MSRB3: variants seen among roughly 807,000 people sequenced by gnomAD.
MSRB3 encodes methionine-R-sulfoxide reductase B3.
In MSRB3, 13 loss-of-function variants were observed where a neutral mutation model predicts 21.0. The ratio of observed to expected loss-of-function variants is 0.62; its 90% CI spans 0.40 to 0.98. MSRB3 has a LOEUF of 0.98. Among genes scored for constraint, MSRB3 ranks in the 50% least tolerant of loss-of-function variants. MSRB3 has a pLI of 0.00. For missense variants in MSRB3, 199 were observed against 230.3 expected (o/e 0.86, Z 0.88); for synonymous variants, 87 against 88.6 (o/e 0.98, Z 0.10).
chr12:65,396,697 AAAAAAAAAAAGAAAGAAAG>A (rs1480892800), intron 5 of MSRB3, among the ~76,000 whole-genome samples: 5 of 27,648 alleles, frequency 1.8e-4, no homozygotes, highest in Non-Finnish European at 1.7e-4. Flanking sequence ...ATCTCAAAAA[AAAAAAAAAAAGAAAGAAAG>A]AAAGAAAGAA....
intron 5 of MSRB3, among the ~76,000 whole-genome samples, chr12:65,437,063 G>C (rs1045072880): frequency 6.6e-6 from 1 of 151,900 alleles, no homozygotes; most frequent in African/African-American, 2.4e-5. Context: ...AGATGGTCCT[G>C]TGTGTGGCCT....
chr12:65,435,059 T>C, intron 5 of MSRB3, among the ~76,000 whole-genome samples: 1 of 151,874 alleles, frequency 6.6e-6, no homozygotes. Context: ...TCCACGGCAC[T>C]TAATGACTAA....
At chr12:65,294,551 GTACT>G (rs962857663) in intron 1 of MSRB3, among the ~76,000 whole-genome samples, 2 of 152,108 alleles carry the variant, frequency 1.3e-5, no homozygotes, top group African/African-American at 2.4e-5. Context: ...CTTTTGAAAG[GTACT>G]TATTTTATTG....
chr12:65,350,230 C>T lies in MSRB3; in HGVS notation c.264-18768C>T, dbSNP rs1364313494. ...AGATCAGATAGTTGTAGATATGCGG[C>T]GTTATTTCTGAGGGCTCTGTTCTGT... On this transcript the variant is annotated intron_variant, in intron 4 of 6. Transcript: ENST00000308259. Among the ~76,000 whole-genome samples, 627 of 151,346 alleles carry T rather than the reference C, an allele frequency of 4.1e-3. 6 individuals carry two copies. Among genetic ancestry groups the T allele is most frequent in the Middle Eastern group, 0.014 (4 of 294 alleles).
chr12:65,430,258 G>A (rs1305285653), intron 5 of MSRB3, among the ~76,000 whole-genome samples: 2 of 152,152 alleles, frequency 1.3e-5, no homozygotes, highest in Non-Finnish European at 2.9e-5. Context: ...AACATTTACT[G>A]TTTTAAGTGG....
Position 65,315,465 on chromosome 12 carries a change from T to A in MSRB3, c.76+6810T>A, listed in dbSNP as rs199633450. ...TGGGCAGATCACTTGAGGCCAGGAG[T>A]TTGAGACCAGCCTGGCCAACATAGT... On this transcript the variant is annotated intron_variant, in intron 2 of 6. Coordinates refer to ENST00000308259, the MANE Select transcript of MSRB3 (RefSeq NM_001031679.3). Among the ~76,000 whole-genome samples, 43 of 151,422 alleles carry A rather than the reference T, an allele frequency of 2.8e-4. No individual in the cohort carries two copies. The East Asian group carries it at 5.8e-3, about 21-fold the overall frequency.
intron 5 of MSRB3, among the ~76,000 whole-genome samples, chr12:65,426,964 A>G (rs1358242506): frequency 1.3e-5 from 2 of 152,040 alleles, no homozygotes; most frequent in African/African-American, 4.8e-5. Context: ...TTATTTCTCT[A>G]TATTGTATTG....
At chr12:65,278,973 GC>G in intron 1 of MSRB3, 108 bp downstream of exon 1, 1 of 1,495,102 alleles carries the variant, frequency 6.7e-7, no homozygotes, top group Non-Finnish European at 8.9e-7. Context: ...CGCCTGCTGC[GC>G]CCCCTCGGCC....
intron 5 of MSRB3, among the ~76,000 whole-genome samples, chr12:65,376,470 G>T (rs1878630378): frequency 6.6e-6 from 1 of 152,166 alleles, no homozygotes; most frequent in African/African-American, 2.4e-5. Context: ...TACTCCATAA[G>T]TCTGGTGGCA....
intron 5 of MSRB3, among the ~76,000 whole-genome samples, chr12:65,437,335 T>TA (rs1882166222): frequency 6.6e-6 from 1 of 151,866 alleles, no homozygotes; most frequent in South Asian, 2.1e-4. Context: ...AAGAAGCGGC[T>TA]AAACATCTGA....
At chr12:65,387,520 T>G (rs1879253748) in intron 5 of MSRB3, among the ~76,000 whole-genome samples, 1 of 152,160 alleles carries the variant, frequency 6.6e-6, no homozygotes, top group African/African-American at 2.4e-5. Flanking sequence ...TGTTTATAAT[T>G]CCTTTGTGAA....
At chr12:65,307,668 G>A (rs1235624310) in intron 1 of MSRB3, among the ~76,000 whole-genome samples, 1 of 151,388 alleles carries the variant, frequency 6.6e-6, no homozygotes, top group East Asian at 1.9e-4. Flanking sequence ...CCTAAGAATT[G>A]AACTTTTCTC....
chr12:65,339,584 C>T (rs570591174), intron 4 of MSRB3, among the ~76,000 whole-genome samples: 1 of 152,164 alleles, frequency 6.6e-6, no homozygotes, highest in East Asian at 1.9e-4. Context: ...ACAGATATGA[C>T]AGTTGTAAAT....
chr12:65,294,868 C>T (rs1394089157), intron 1 of MSRB3, among the ~76,000 whole-genome samples: 2 of 152,096 alleles, frequency 1.3e-5, no homozygotes, highest in East Asian at 1.9e-4. Context: ...GTTGCCCAGG[C>T]AGGGATGCAG....
chr12:65,373,892 C>T (rs1007880204), intron 5 of MSRB3, among the ~76,000 whole-genome samples: 10 of 152,048 alleles, frequency 6.6e-5, no homozygotes, highest in African/African-American at 2.4e-4. Context: ...GAATCTACAC[C>T]AGGGTAAGGA....
chr12:65,315,141 C>T (rs1184834970), intron 2 of MSRB3, among the ~76,000 whole-genome samples: 1 of 152,130 alleles, frequency 6.6e-6, no homozygotes, highest in Non-Finnish European at 1.5e-5. Context: ...TTGAATTTCT[C>T]ATAACTGCTT....
At chr12:65,395,337 G>A (rs1010418004) in intron 5 of MSRB3, among the ~76,000 whole-genome samples, 4 of 151,958 alleles carry the variant, frequency 2.6e-5, no homozygotes, top group Non-Finnish European at 5.9e-5. Flanking sequence ...ATAGTGGTGA[G>A]CACCTGTAAT....
At chr12:65,460,678 T>C (rs548818950) in intron 6 of MSRB3, among the ~76,000 whole-genome samples, 3 of 152,046 alleles carry the variant, frequency 2.0e-5, no homozygotes, top group Non-Finnish European at 4.4e-5. Context: ...CCTCAACCCA[T>C]ATATTTGTTA....
intron 5 of MSRB3, among the ~76,000 whole-genome samples, chr12:65,402,756 A>G (rs1253347439): frequency 6.6e-6 from 1 of 152,014 alleles, no homozygotes; most frequent in East Asian, 1.9e-4. Context: ...GGATTTATCT[A>G]CCTTTGATGT....
Sources: allele counts gnomAD v4.1 joint callset (sites outside exome capture counted in the v4.1 genomes callset), GRCh38; gene constraint gnomAD v4.1.1; transcripts MANE v1.5; gene names NCBI Gene and HGNC (gene_info 2026-07-23, HGNC 2026-07-21).